The following DCUN1D4 variants were observed in gnomAD, a reference collection of about 807,000 sequenced individuals.
DCUN1D4 encodes the protein defective in cullin neddylation 1 domain containing 4.
Under a neutral mutation model 47.9 loss-of-function variants are expected in DCUN1D4, and 22 were observed. That is an observed-to-expected ratio of 0.46 (90% CI 0.33 to 0.66). DCUN1D4 has a LOEUF of 0.66. Among genes scored for constraint, DCUN1D4 ranks in the 30% least tolerant of loss-of-function variants. DCUN1D4 has a pLI of 0.02. For synonymous variants in DCUN1D4, 121 were observed against 112.2 expected, an observed-to-expected ratio of 1.08 and a Z score of -0.50; for missense variants, 301 against 340.8, an observed-to-expected ratio of 0.88 and a Z score of 0.92.
At chr4:51,883,328 G>C (rs1379490554) in intron 5 of DCUN1D4, among the ~76,000 whole-genome samples, 4 of 152,122 alleles carry the variant, frequency 2.6e-5, no homozygotes, top group African/African-American at 9.7e-5. Flanking sequence ...AAAGGGAGAA[G>C]GCAAGTTTCT....
At chr4:51,886,926 C>T (rs545817808) in intron 6 of DCUN1D4, 23 of 424,464 alleles carry the variant, frequency 5.4e-5, no homozygotes, top group African/African-American at 3.7e-4. Flanking sequence ...CCTACAATGA[C>T]GGATCAACTG....
chr4:51,897,632 G>A (rs1316367346), intron 7 of DCUN1D4, among the ~76,000 whole-genome samples: 1 of 151,612 alleles, frequency 6.6e-6, no homozygotes. Context: ...ATCACTTACT[G>A]GTAAAAACAG....
At chr4:51,859,107 TG>T (rs1374303604) in intron 1 of DCUN1D4, among the ~76,000 whole-genome samples, 1 of 152,064 alleles carries the variant, frequency 6.6e-6, no homozygotes, top group Non-Finnish European at 1.5e-5. Context: ...CTTTTTGGGG[TG>T]GAGAACTGGG....
At chr4:51,909,952 A>G (rs1172317482) in intron 8 of DCUN1D4, among the ~76,000 whole-genome samples, 1 of 152,180 alleles carries the variant, frequency 6.6e-6, no homozygotes. Flanking sequence ...TGGTTTGTAT[A>G]CTAAAGAGTA....
At chr4:51,881,910 G>A (rs183823465) in intron 5 of DCUN1D4, among the ~76,000 whole-genome samples, 2 of 152,280 alleles carry the variant, frequency 1.3e-5, no homozygotes, top group African/African-American at 4.8e-5. Flanking sequence ...GGTCACGCCT[G>A]TAATTCCAAC....
chr4:51,904,227 G>A (rs1250824502), intron 8 of DCUN1D4, among the ~76,000 whole-genome samples: 2 of 152,234 alleles, frequency 1.3e-5, no homozygotes, highest in South Asian at 2.1e-4. Flanking sequence ...CCACTACTAA[G>A]GCAATATTTT....
intron 3 of DCUN1D4, among the ~76,000 whole-genome samples, chr4:51,868,087 C>A (rs571943601): frequency 6.6e-6 from 1 of 152,354 alleles, no homozygotes; most frequent in Non-Finnish European, 1.5e-5. Context: ...GGCTCAGCCT[C>A]AACTTTACTC....
At chr4:51,901,647 A>T (rs1732135146) in intron 8 of DCUN1D4, among the ~76,000 whole-genome samples, 1 of 152,150 alleles carries the variant, frequency 6.6e-6, no homozygotes, top group Non-Finnish European at 1.5e-5. Context: ...GTCAGGGATC[A>T]GCCTGTCGGG....
chr4:51,858,671 C>G (rs560750968), intron 1 of DCUN1D4, among the ~76,000 whole-genome samples: 1 of 152,276 alleles, frequency 6.6e-6, no homozygotes, highest in East Asian at 1.9e-4. Context: ...ATATGTTTAT[C>G]AGCTCTCTGT....
At position 51,913,773 on chromosome 4, in the gene DCUN1D4, G is replaced by A; in HGVS notation, c.*189G>A. The stretch of plus-strand genomic sequence containing the variant: ...TGTGGCATTGTTCTCTTGGAAGGCT[G>A]CTTTGCAGTTTGTATTTACACTACA... On this transcript the variant is annotated 3_prime_UTR_variant, in exon 11 of 11. Coordinates refer to ENST00000334635, the MANE Select transcript of DCUN1D4 (RefSeq NM_001040402.3). 1 of 544,180 alleles carries A rather than the reference G, an allele frequency of 1.8e-6. No homozygotes were observed. The allele number at this position is 544,180 out of a possible 1,614,324, so 33.7% of individuals were successfully genotyped here. A position where few individuals can be genotyped will look rare whatever the true frequency, so the allele number is the denominator to read the frequency against.
rs1223026999 is a variant in DCUN1D4 at position 51,869,078 on chromosome 4, C to A, written c.137-5193C>A. On this transcript the variant is annotated intron_variant, in intron 3 of 10. Coordinates refer to ENST00000334635, the MANE Select transcript of DCUN1D4 (RefSeq NM_001040402.3). Reference sequence around the variant, plus strand: ...GGCCGAGGTTGCAGTGAGCTGAGCTCATGCCACTGCACTGTAGCCTAGGCT... The same window carrying A: ...GGCCGAGGTTGCAGTGAGCTGAGCTAATGCCACTGCACTGTAGCCTAGGCT... Among the ~76,000 whole-genome samples, 10 of 130,552 alleles carry A rather than the reference C, an allele frequency of 7.7e-5. No individual in the cohort carries two copies. The Admixed American group carries it at 8.6e-4, about 11-fold the overall frequency. The allele number at this position is 130,552 out of a possible 152,430, so 85.6% of individuals were successfully genotyped here.
rs1173024631 is a variant in DCUN1D4 at position 51,914,575 on chromosome 4, A to G, written c.*991A>G. 2.0e-5 allele frequency: 3 copies of G among 152,580 alleles called. No homozygotes were observed. The highest frequency in any genetic ancestry group is 4.4e-5 in the Non-Finnish European group (3 of 68,018). The allele number at this position is 152,580 out of a possible 1,614,324, so 9.5% of individuals were successfully genotyped here. ...AGCCTTTTGAGAAAACAAGCATACT[A>G]TAAGTGAGAGCTGTTTTGTTTTCCT... On this transcript the variant is annotated 3_prime_UTR_variant, in exon 11 of 11. Coordinates refer to ENST00000334635, the MANE Select transcript of DCUN1D4 (RefSeq NM_001040402.3).
chr4:51,848,421 T>G lies in DCUN1D4; in HGVS notation c.25+5154T>G, dbSNP rs1722884257. On this transcript the variant is annotated intron_variant, in intron 1 of 10. Transcript: ENST00000334635. ...GTCCTTTTCCCTTCTTTTTGTTTTA[T>G]ATCCATATTCTGGTCCTAAGGATTT... The G allele has an allele frequency of 6.6e-6, 7 of 1,055,506 alleles. No homozygotes were observed. In the South Asian group the frequency reaches 2.0e-4, roughly 30 times the overall value. 65.4% of individuals were successfully genotyped at this position (1,055,506 alleles called of 1,614,324 possible).
At chr4:51,848,267 G>A in intron 1 of DCUN1D4, 4 of 1,289,410 alleles carry the variant, frequency 3.1e-6, no homozygotes, top group Non-Finnish European at 4.0e-6. Context: ...TGCTGGTGAT[G>A]TGCTGAGGGA....
At chr4:51,851,715 C>T (rs1429697017) in intron 1 of DCUN1D4, among the ~76,000 whole-genome samples, 1 of 152,144 alleles carries the variant, frequency 6.6e-6, no homozygotes, top group Non-Finnish European at 1.5e-5. Context: ...AACACGAATT[C>T]AGTGATGATC....
chr4:51,914,528 C>T lies in DCUN1D4; in HGVS notation c.*944C>T, dbSNP rs1408135406. 6.6e-6 allele frequency: 1 copy of T among 152,530 alleles called. No homozygotes were observed. The highest frequency in any genetic ancestry group is 1.5e-5 in the Non-Finnish European group (1 of 68,004). 9.4% of individuals were successfully genotyped at this position (152,530 alleles called of 1,614,324 possible). ...GTTGTGGCTTGAATTTTCAGTTAAG[C>T]TTTCATGGTATGTAATTTTCCAGCC... On this transcript the variant is annotated 3_prime_UTR_variant, in exon 11 of 11. Coordinates refer to ENST00000334635, the MANE Select transcript of DCUN1D4 (RefSeq NM_001040402.3).
chr4:51,851,804 T>C (rs766557312), intron 1 of DCUN1D4, among the ~76,000 whole-genome samples: 1 of 152,210 alleles, frequency 6.6e-6, no homozygotes, highest in Non-Finnish European at 1.5e-5. Context: ...GGGACTGTTA[T>C]TATCTCTGTT....
chr4:51,844,305 GGAGA>G, intron 1 of DCUN1D4: 1 of 983,454 alleles, frequency 1.0e-6, no homozygotes, highest in Non-Finnish European at 1.2e-6. Context: ...TTCGGGGTGC[GGAGA>G]GAGGAGGGGG....
chr4:51,905,399 C>T (rs916548535), intron 8 of DCUN1D4: 4 of 245,750 alleles, frequency 1.6e-5, no homozygotes, highest in Non-Finnish European at 3.5e-5. Flanking sequence ...TAGAAGAAGA[C>T]GGTGGAATAT....
Sources: gnomAD v4.1 joint callset for allele counts (sites outside exome capture counted in the v4.1 genomes callset) on GRCh38, gnomAD v4.1.1 for gene constraint, MANE v1.5 for transcripts, NCBI Gene and HGNC (gene_info 2026-07-23, HGNC 2026-07-21) for gene names.